IMMP2L: variants seen among roughly 807,000 people sequenced by gnomAD.
IMMP2L encodes inner mitochondrial membrane peptidase subunit 2, also known as mitochondrial inner membrane protease subunit 2.
In IMMP2L, 18 loss-of-function variants were observed where a neutral mutation model predicts 19.3. The observed-to-expected ratio is 0.93, with a 90% CI of 0.64 to 1.38. IMMP2L has a LOEUF of 1.38. Ranked by LOEUF, IMMP2L falls within the 40% of genes most tolerant of loss-of-function variation. The probability of loss-of-function intolerance (pLI) is 0.00; values close to 1 mark genes in which losing one functional copy is unlikely to be tolerated. For synonymous variants in IMMP2L, 76 were observed against 73.0 expected, an observed-to-expected ratio of 1.04 and a Z score of -0.21; for missense variants, 233 against 218.2, an observed-to-expected ratio of 1.07 and a Z score of -0.43.
intron 3 of IMMP2L, among the ~76,000 whole-genome samples, chr7:111,265,181 C>T (rs1817699648): frequency 6.6e-6 from 1 of 152,194 alleles, no homozygotes; most frequent in Admixed American, 6.5e-5. Context: ...GTTCAGCTGA[C>T]AGCCAGCTGC....
chr7:111,325,684 GAATC>G (rs1825237448), intron 3 of IMMP2L, among the ~76,000 whole-genome samples: 1 of 151,482 alleles, frequency 6.6e-6, no homozygotes, highest in African/African-American at 2.4e-5. Context: ...TGAAATTCCT[GAATC>G]AAAGGATGTA....
At chr7:110,890,508 G>C (rs1810683209) in intron 4 of IMMP2L, among the ~76,000 whole-genome samples, 2 of 152,050 alleles carry the variant, frequency 1.3e-5, no homozygotes, top group South Asian at 4.1e-4. Context: ...TAAAATATTG[G>C]GCTGGTCCCT....
chr7:110,776,539 GTTTTCCTTAAAGCTAATTGTTGGAGTAGC>G (rs1799400690), intron 5 of IMMP2L, among the ~76,000 whole-genome samples: 1 of 151,996 alleles, frequency 6.6e-6, no homozygotes, highest in South Asian at 2.1e-4. Context: ...AGGGAGTGAA[GTTTTCCTTAAAGCTAATTGTTGGAGTAGC>G]TTTTCCTTAA....
intron 4 of IMMP2L, among the ~76,000 whole-genome samples, chr7:110,948,627 G>A (rs934129515): frequency 2.0e-5 from 3 of 152,120 alleles, no homozygotes; most frequent in African/African-American, 4.8e-5. Flanking sequence ...TCTTTTTTGT[G>A]AGCTTTGTCA....
intron 3 of IMMP2L, among the ~76,000 whole-genome samples, chr7:111,022,351 A>G (rs559311473): frequency 1.1e-4 from 16 of 152,268 alleles, no homozygotes; most frequent in African/African-American, 2.9e-4. Flanking sequence ...GCCCCCATCA[A>G]TCTAACAAAG....
In IMMP2L at chr7:111,485,438, A is replaced by C. The variant is rs186549680; in HGVS notation, c.239+1800T>G. On this transcript the variant is annotated intron_variant, in intron 3 of 5. Coordinates refer to ENST00000405709, the MANE Select transcript of IMMP2L (RefSeq NM_032549.4). ...CACGGTGAAACCCGTCTCTACTAAAAATACAAAAAATTAGCTGGGCGTGGT... is the reference window on the plus strand; with the variant it reads ...CACGGTGAAACCCGTCTCTACTAAACATACAAAAAATTAGCTGGGCGTGGT... Among the ~76,000 whole-genome samples, 911 of 152,028 alleles carry C rather than the reference A, an allele frequency of 6.0e-3. 14 individuals are homozygous for C. Among genetic ancestry groups the C allele is most frequent in the African/African-American group, 0.021 (863 of 41,450 alleles).
chr7:111,350,528 A>G (rs976558614), intron 3 of IMMP2L, among the ~76,000 whole-genome samples: 7 of 152,090 alleles, frequency 4.6e-5, no homozygotes, highest in African/African-American at 1.7e-4. Context: ...TTCCTCAGAT[A>G]GGGGGGTCTA....
In IMMP2L at chr7:110,906,765, T is replaced by C. The variant is rs143697661; in HGVS notation, c.306-20070A>G. On this transcript the variant is annotated intron_variant, in intron 4 of 5. Transcript: ENST00000405709. Reference sequence around the variant, plus strand: ...TTATCTGGTTATTTTTAGGGATACATGAGTTAATATTGTAAAGTGCTTAGG... The same window carrying C: ...TTATCTGGTTATTTTTAGGGATACACGAGTTAATATTGTAAAGTGCTTAGG... 4.7e-3 allele frequency among the ~76,000 whole-genome samples: 710 copies of C among 152,246 alleles called. 3 individuals are homozygous for C. Among genetic ancestry groups the C allele is most frequent in the Middle Eastern group, 0.014 (4 of 294 alleles).
intron 2 of IMMP2L, among the ~76,000 whole-genome samples, chr7:111,504,750 G>T (rs983272868): frequency 6.6e-6 from 1 of 152,158 alleles, no homozygotes; most frequent in Non-Finnish European, 1.5e-5. Context: ...AAATGGTGCT[G>T]GGAAAACTGG....
intron 3 of IMMP2L, among the ~76,000 whole-genome samples, chr7:111,394,667 T>A (rs1041833054): frequency 1.3e-5 from 2 of 152,124 alleles, no homozygotes; most frequent in Admixed American, 6.6e-5. Context: ...AGTTCTTTCA[T>A]CTCAAAGAAC....
At chr7:111,285,945 A>G (rs2130759176) in intron 3 of IMMP2L, among the ~76,000 whole-genome samples, 1 of 152,308 alleles carries the variant, frequency 6.6e-6, no homozygotes, top group South Asian at 2.1e-4. Context: ...TAGGGGGGTT[A>G]TGTATGAAAA....
At chr7:110,853,091 A>G (rs1246277193) in intron 5 of IMMP2L, among the ~76,000 whole-genome samples, 2 of 152,022 alleles carry the variant, frequency 1.3e-5, no homozygotes, top group African/African-American at 4.8e-5. Flanking sequence ...CAAAATGTAT[A>G]ACTTGATTAC....
intron 5 of IMMP2L, among the ~76,000 whole-genome samples, chr7:110,671,497 A>C (rs1335431851): frequency 6.6e-6 from 1 of 152,158 alleles, no homozygotes; most frequent in East Asian, 1.9e-4. Flanking sequence ...ATATCAGTCA[A>C]TGGGTTTGTT....
intron 5 of IMMP2L, among the ~76,000 whole-genome samples, chr7:110,722,617 A>G (rs1187340957): frequency 2.0e-5 from 3 of 152,180 alleles, no homozygotes; most frequent in Non-Finnish European, 2.9e-5. Context: ...GATAGCATAC[A>G]TTGTACTCAA....
At chr7:111,544,175 C>T (rs138176139) in intron 1 of IMMP2L, among the ~76,000 whole-genome samples, 2,481 of 151,798 alleles carry the variant, frequency 0.016, 64 homozygotes, top group African/African-American at 0.057. Context: ...CATGTTCTCA[C>T]TCATAGGTGT....
intron 3 of IMMP2L, among the ~76,000 whole-genome samples, chr7:111,133,343 A>G (rs944864729): frequency 1.3e-5 from 2 of 152,040 alleles, no homozygotes; most frequent in Non-Finnish European, 2.9e-5. Context: ...AGTTACTGTA[A>G]CGTAGTCCAG....
chr7:110,784,299 A>G (rs1799930866), intron 5 of IMMP2L, among the ~76,000 whole-genome samples: 1 of 151,944 alleles, frequency 6.6e-6, no homozygotes, highest in African/African-American at 2.4e-5. Context: ...AAGTTTTTGC[A>G]TATATTTGAT....
chr7:111,522,081 G>A (rs114211711), intron 1 of IMMP2L, among the ~76,000 whole-genome samples: 2,177 of 152,152 alleles, frequency 0.014, 16 homozygotes, highest in African/African-American at 0.019. Context: ...AAAATGGAAC[G>A]ATCCTAGGTC....
intron 5 of IMMP2L, among the ~76,000 whole-genome samples, chr7:110,739,271 C>T (rs1172244640): frequency 1.3e-5 from 2 of 152,054 alleles, no homozygotes; most frequent in African/African-American, 2.4e-5. Flanking sequence ...TACAGAATGG[C>T]AGAATGTATA....
Sources: allele counts gnomAD v4.1 joint callset (sites outside exome capture counted in the v4.1 genomes callset), GRCh38; gene constraint gnomAD v4.1.1; transcripts MANE v1.5; gene names NCBI Gene and HGNC (gene_info 2026-07-23, HGNC 2026-07-21).